The following CREB1 variants were observed in gnomAD, a reference collection of about 807,000 sequenced individuals.
The protein encoded by CREB1 is cyclic AMP-responsive element-binding protein 1.
CREB1 carries 2 observed loss-of-function variants against 42.0 expected under a neutral mutation model. The observed-to-expected ratio is 0.05, with a 90% confidence interval of 0.02 to 0.15. The LOEUF (loss-of-function observed/expected upper bound fraction) is 0.15. Ranked by LOEUF, CREB1 falls within the 10% of genes least tolerant of loss-of-function variation. The pLI is 1.00. For synonymous variants in CREB1, 123 were observed against 139.9 expected (o/e 0.88, Z 0.85); for missense variants, 199 against 388.9 (o/e 0.51, Z 4.11).
Position 207,603,365 on chromosome 2 carries a change from A to G in CREB1, c.*6307A>G. The G allele has an allele frequency of 4.4e-6, 1 of 224,810 alleles. No individual in the cohort carries two copies. Among genetic ancestry groups the G allele is most frequent in the African/African-American group, 2.2e-5 (1 of 45,002 alleles). 13.9% of individuals were successfully genotyped at this position (224,810 alleles called of 1,614,324 possible). A position where few individuals can be genotyped will look rare whatever the true frequency, so the allele number is the denominator to read the frequency against. ...TTCTTACTGTAATCTTTGTGGTATC[A>G]ACTGTCATAATGCTCTTTTTACACA... On this transcript the variant is annotated 3_prime_UTR_variant, in exon 8 of 8. Coordinates refer to ENST00000353267, the MANE Select transcript of CREB1 (RefSeq NM_004379.5).
chr2:207,585,340 A>G (rs976224623), intron 7 of CREB1, among the ~76,000 whole-genome samples: 20 of 152,216 alleles, frequency 1.3e-4, no homozygotes, highest in Admixed American at 1.2e-3. Flanking sequence ...TGATGACAGT[A>G]AAAGAAATCA....
chr2:207,550,464 C>G (rs981978741), intron 1 of CREB1: 1 of 151,284 alleles, frequency 6.6e-6, no homozygotes, highest in Non-Finnish European at 1.5e-5. Context: ...CAAAATTGCC[C>G]TAGATTTAGG....
At chr2:207,555,490 A>G in intron 1 of CREB1, 138 bp from the exon 2 acceptor site, 1 of 523,964 alleles carries the variant, frequency 1.9e-6, no homozygotes, top group East Asian at 2.8e-5. Flanking sequence ...CAGCTACATT[A>G]TATTTTAGCT....
intron 2 of CREB1, among the ~76,000 whole-genome samples, chr2:207,557,911 T>C (rs1171350824): frequency 6.6e-6 from 1 of 152,190 alleles, no homozygotes; most frequent in Non-Finnish European, 1.5e-5. Context: ...AAAGAGAACA[T>C]AGTAATTGCT....
At chr2:207,536,744 C>G (rs925119739) in intron 1 of CREB1, among the ~76,000 whole-genome samples, 1 of 151,860 alleles carries the variant, frequency 6.6e-6, no homozygotes, top group African/African-American at 2.4e-5. Flanking sequence ...AATCCCGGCA[C>G]TTTGGGAGGT....
In CREB1 at chr2:207,529,995, G is replaced by A. The variant is rs974574139; in HGVS notation, c.-148G>A. ...GCGGCTGCTGCTGCCTGTGGCCCGG[G>A]CGGCTGGGAGAAGCGGAGTGTTGGT... On this transcript the variant is annotated 5_prime_UTR_variant, in exon 1 of 8. Coordinates refer to ENST00000353267, the MANE Select transcript of CREB1 (RefSeq NM_004379.5). 4 of 155,778 alleles carry A rather than the reference G, an allele frequency of 2.6e-5. No homozygotes were observed. The highest frequency in any genetic ancestry group is 5.7e-5 in the Non-Finnish European group (4 of 70,646). The allele number at this position is 155,778 out of a possible 1,614,324, so 9.6% of individuals were successfully genotyped here.
At chr2:207,537,867 T>C (rs144668285) in intron 1 of CREB1, among the ~76,000 whole-genome samples, 2 of 152,332 alleles carry the variant, frequency 1.3e-5, no homozygotes, top group East Asian at 3.9e-4. Flanking sequence ...GAATCTTTTA[T>C]CTGAAATTCT....
chr2:207,562,212 T>G (rs907435630), intron 3 of CREB1, among the ~76,000 whole-genome samples: 1 of 152,208 alleles, frequency 6.6e-6, no homozygotes, highest in African/African-American at 2.4e-5. Context: ...GATTTGCTAG[T>G]GAGGAGACCT....
chr2:207,573,945 T>C (rs2082473397), intron 5 of CREB1, among the ~76,000 whole-genome samples: 1 of 152,226 alleles, frequency 6.6e-6, no homozygotes, highest in Non-Finnish European at 1.5e-5. Context: ...TCTGATTCTT[T>C]CAAGTAATCA....
At position 207,567,494 on chromosome 2, in the gene CREB1, A is replaced by G. The variant is rs748437677; in HGVS notation, c.293A>G (p.Gln98Arg). Reference protein sequence around the residue: ...ISTIAESEDSQESVDSVTDSQ... With the variant: ...ISTIAESEDSRESVDSVTDSQ... ...ACTATTGCAGAAAGTGAAGATTCAC[A>G]GGAGTCAGTGGATAGTGTAACTGAT... The change falls in exon 4 of 8, where the codon CAG (glutamine) becomes CGG (arginine). Residue 98 changes from glutamine (Q) to arginine (R), a missense_variant. Gln to Arg is a conservative substitution (Grantham distance 43). Around this residue, in one of 4 missense-constraint regions of CREB1, gnomAD observed 66 missense variants for 150.8 expected, o/e 0.44. Coordinates refer to ENST00000353267, the MANE Select transcript of CREB1 (RefSeq NM_004379.5). The G allele has an allele frequency of 6.2e-7, 1 of 1,611,160 alleles. No individual in the cohort carries two copies. The highest frequency in any genetic ancestry group is 8.5e-7 in the Non-Finnish European group (1 of 1,178,044).
At chr2:207,595,241 G>A (rs528997438) in intron 7 of CREB1, among the ~76,000 whole-genome samples, 11 of 151,766 alleles carry the variant, frequency 7.2e-5, no homozygotes, top group South Asian at 6.3e-4. Context: ...TGATCCACCC[G>A]CCTCTGCCTC....
rs904542655 is a variant in CREB1 at position 207,604,280 on chromosome 2, G to T, written c.*7222G>T. Among the ~76,000 whole-genome samples, 6 of 152,174 alleles carry T rather than the reference G, an allele frequency of 3.9e-5. No individual in the cohort carries two copies. Among genetic ancestry groups the T allele is most frequent in the Admixed American group, 1.3e-4 (2 of 15,280 alleles). ...TTTCTAGTTTTAGTGTTTCGCCACTGAAGACTTAACATATGTCTTTTACAC... is the reference window on the plus strand; with the variant it reads ...TTTCTAGTTTTAGTGTTTCGCCACTTAAGACTTAACATATGTCTTTTACAC... On this transcript the variant is annotated 3_prime_UTR_variant, in exon 8 of 8. Coordinates refer to ENST00000353267, the MANE Select transcript of CREB1 (RefSeq NM_004379.5).
At chr2:207,583,119 ATAT>A (rs1243697993) in intron 7 of CREB1, among the ~76,000 whole-genome samples, 5 of 152,128 alleles carry the variant, frequency 3.3e-5, no homozygotes, top group African/African-American at 7.2e-5. Context: ...ATTGTATTAA[ATAT>A]TATAAGTAAT....
chr2:207,530,011 G>C lies in CREB1; in HGVS notation c.-132G>C, dbSNP rs1458514417. 1 of 154,096 alleles carries C rather than the reference G, an allele frequency of 6.5e-6. No homozygotes were observed. The highest frequency in any genetic ancestry group is 1.9e-4 in the East Asian group (1 of 5,236). The allele number at this position is 154,096 out of a possible 1,614,324, so 9.5% of individuals were successfully genotyped here. Reference sequence around the variant, plus strand: ...GTGGCCCGGGCGGCTGGGAGAAGCGGAGTGTTGGTGAGTGACGCGGCGGAG... The same window carrying C: ...GTGGCCCGGGCGGCTGGGAGAAGCGCAGTGTTGGTGAGTGACGCGGCGGAG... On this transcript the variant is annotated 5_prime_UTR_variant, in exon 1 of 8. Coordinates refer to ENST00000353267, the MANE Select transcript of CREB1 (RefSeq NM_004379.5).
intron 7 of CREB1, among the ~76,000 whole-genome samples, chr2:207,591,216 T>C (rs932647586): frequency 1.3e-5 from 2 of 152,202 alleles, no homozygotes; most frequent in African/African-American, 2.4e-5. Flanking sequence ...GACAGGAGAG[T>C]GTATTAAGGC....
At chr2:207,547,397 G>A (rs1032551026) in intron 1 of CREB1, among the ~76,000 whole-genome samples, 14 of 152,156 alleles carry the variant, frequency 9.2e-5, no homozygotes, top group Admixed American at 2.6e-4. Context: ...GCTAGTTTAC[G>A]AAGCAGAACT....
At chr2:207,549,761 T>C (rs1339827243) in intron 1 of CREB1, among the ~76,000 whole-genome samples, 3 of 151,974 alleles carry the variant, frequency 2.0e-5, no homozygotes, top group Non-Finnish European at 4.4e-5. Flanking sequence ...GGTGGGCAGA[T>C]CACAAGGTCA....
At chr2:207,546,220 G>A (rs1034087735) in intron 1 of CREB1, among the ~76,000 whole-genome samples, 13 of 151,740 alleles carry the variant, frequency 8.6e-5, no homozygotes, top group African/African-American at 3.2e-4. Context: ...CCACCAGGTT[G>A]GTGAAAAACA....
rs1364398717 is a variant in CREB1, at chr2:207,605,352, ATCT to A, written c.*8299_*8301del. ...TTTTGTTGTCTTTGGCCATCTGCGTATCTTCTTTGAAGAAATGTCTGTTGAGGT... is the reference window on the plus strand; with the variant it reads ...TTTTGTTGTCTTTGGCCATCTGCGTATCTTTGAAGAAATGTCTGTTGAGGT... On this transcript the variant is annotated 3_prime_UTR_variant, in exon 8 of 8. Coordinates refer to ENST00000353267, the MANE Select transcript of CREB1 (RefSeq NM_004379.5). Among the ~76,000 whole-genome samples, 13 of 152,256 alleles carry A rather than the reference ATCT, an allele frequency of 8.5e-5. No homozygotes were observed. Among genetic ancestry groups the A allele is most frequent in the Admixed American group, 2.6e-4 (4 of 15,290 alleles).
Sources: allele counts gnomAD v4.1 joint callset (sites outside exome capture counted in the v4.1 genomes callset), GRCh38; gene constraint gnomAD v4.1.1; regional missense constraint gnomAD v4.1.1; transcripts MANE v1.5; gene names NCBI Gene and HGNC (gene_info 2026-07-23, HGNC 2026-07-21).